Variants in PKD1 observed in about 807,000 individuals in gnomAD.
The protein encoded by PKD1 is polycystin 1, transient receptor potential channel interacting, also known as polycystin-1.
A neutral mutation model predicts 361.7 loss-of-function variants in PKD1; 81 were observed. The ratio of observed to expected loss-of-function variants is 0.22; its 90% CI spans 0.19 to 0.27. The LOEUF (loss-of-function observed/expected upper bound fraction) is 0.27, where lower values mean the gene tolerates loss of function less well. Ranked by LOEUF, PKD1 falls within the 10% of genes least tolerant of loss-of-function variation. The pLI is 1.00. For synonymous variants in PKD1, 3,615 were observed against 2,818.3 expected, an observed-to-expected ratio of 1.28 and a Z score of -8.95; for missense variants, 6,399 against 6,118.3, an observed-to-expected ratio of 1.05 and a Z score of -1.53.
At position 2,108,756 on chromosome 16, in the gene PKD1, G is replaced by A; in HGVS notation, c.6411C>T (p.Ala2137=). 2.5e-6 allele frequency: 4 copies of A among 1,570,590 alleles called. No individual in the cohort carries two copies. Among genetic ancestry groups the A allele is most frequent in the Non-Finnish European group, 3.5e-6 (4 of 1,159,172 alleles). ...AGGCCAGCACCTGGACGGTCACCGT[G>A]GCCTGCGCCACGAAGAAGCTCACCA... ...SNLVSFFVAQ[A]TVTVQVLACR... Residue 2137 remains alanine (A), a synonymous_variant, in exon 15 of 46, where the codon GCC becomes GCT. Transcript: ENST00000262304.
chr16:2,094,817 G>A (rs950051372), intron 34 of PKD1: 4 of 154,682 alleles, frequency 2.6e-5, no homozygotes, highest in South Asian at 2.0e-4. Flanking sequence ...AGGCAGCGAA[G>A]ACACGTTGAG....
Position 2,094,146 on chromosome 16 carries a change from G to A in PKD1, c.10564C>T (p.Pro3522Ser), listed in dbSNP as rs768421958. 1.3e-6 allele frequency: 2 copies of A among 1,599,896 alleles called. No individual in the cohort carries two copies. Among genetic ancestry groups the A allele is most frequent in the Admixed American group, 1.7e-5 (1 of 58,414 alleles). ...TGTTCCCAGTTCAGGCCTGGGCTGGGTGGCCCCAGCTCCCCCAGCCTCTGC... is the reference window on the plus strand; with the variant it reads ...TGTTCCCAGTTCAGGCCTGGGCTGGATGGCCCCAGCTCCCCCAGCCTCTGC... ...ALQRLGELGP[P>S]SPGLNWEQPQ... The change falls in exon 35 of 46, where the codon CCC (proline) becomes TCC (serine). Residue 3522 changes from proline to serine, a missense_variant. By Grantham distance (74) the Pro-to-Ser change is moderately conservative (BLOSUM62 -1). Coordinates refer to ENST00000262304, the MANE Select transcript of PKD1 (RefSeq NM_001009944.3).
intron 6 of PKD1, 103 bp from the exon 7 acceptor site, chr16:2,117,156 G>A (rs1171188093): frequency 8.7e-6 from 6 of 693,072 alleles, no homozygotes. Context: ...CTTTCCAGAT[G>A]GGGAAACTGA....
chr16:2,121,607 G>A (rs1283637525), intron 1 of PKD1, among the ~76,000 whole-genome samples: 3 of 152,090 alleles, frequency 2.0e-5, no homozygotes, highest in Non-Finnish European at 4.4e-5. Flanking sequence ...TGGAGCTGGT[G>A]ATGCGGAGGT....
rs775128354 is a variant in PKD1, at chr16:2,097,461, C to T, written c.10263G>A (p.Pro3421=). 8.1e-6 allele frequency: 13 copies of T among 1,604,420 alleles called. No homozygotes were observed. Among genetic ancestry groups the T allele is most frequent in the Admixed American group, 3.3e-5 (2 of 59,992 alleles). Residue 3421 remains proline (P), a synonymous_variant, in exon 33 of 46, where the codon CCG becomes CCA. Coordinates refer to ENST00000262304, the MANE Select transcript of PKD1 (RefSeq NM_001009944.3). ...CAATGGACGGGTCACTGAGCAGGTC[C>T]GGCCAACTGAGCGTTCCCTCGCCGG... ...WPSGEGTLSW[P]DLLSDPSIVG...
Position 2,097,254 on chromosome 16 carries a change from G to A in PKD1, c.10406-13C>T, listed in dbSNP as rs1250022316. On this transcript the variant is annotated splice_polypyrimidine_tract_variant and intron_variant, in intron 33 of 45. Coordinates refer to ENST00000262304, the MANE Select transcript of PKD1 (RefSeq NM_001009944.3). ...ATCAGGTCTTCATCTAGAGGTACAGGAGGCATAGGGTGGGCCCAGCTGCAA... is the reference window on the plus strand; with the variant it reads ...ATCAGGTCTTCATCTAGAGGTACAGAAGGCATAGGGTGGGCCCAGCTGCAA... 5.6e-6 allele frequency: 9 copies of A among 1,597,038 alleles called. No individual in the cohort carries two copies. The highest frequency in any genetic ancestry group is 1.3e-5 in the African/African-American group (1 of 74,624).
rs80111665 is a variant in PKD1 at position 2,109,320 on chromosome 16, G to A, written c.5847C>T (p.Ser1949=). Residue 1949 remains serine (S), a synonymous_variant, in exon 15 of 46, where the codon AGC becomes AGT. Transcript: ENST00000262304. The part of the protein sequence containing the change: ...SFPRVGDHVV[S]VRGKNHVSWA... ...AGCTCACGTGGTTTTTGCCCCGCAC[G>A]CTCACCACGTGGTCTCCGACGCGGG... is the stretch of plus-strand genomic sequence containing the variant. The A allele has an allele frequency of 2.6e-3, 4,097 of 1,587,532 alleles. 70 individuals carry two copies. The East Asian group carries it at 0.042, about 16-fold the overall frequency.
rs771255288 is a variant in PKD1, at chr16:2,090,032, G to A, written c.12607C>T (p.Arg4203Trp). The A allele has an allele frequency of 1.8e-5, 29 of 1,611,004 alleles. No homozygotes were observed. Among genetic ancestry groups the A allele is most frequent in the Middle Eastern group, 3.3e-4 (2 of 6,054 alleles). Reference sequence around the variant, plus strand: ...TCAGGCTCACACCTTGTCCCCAGCCGGCCCAGGCTCACGCTCAGCCCATCC... The same window carrying A: ...TCAGGCTCACACCTTGTCCCCAGCCAGCCCAGGCTCACGCTCAGCCCATCC... ...QLDGLSVSLG[R>W]LGTRCEPEPS... The change falls in exon 46 of 46, where the codon CGG (arginine) becomes TGG (tryptophan). Residue 4203 changes from arginine to tryptophan, a missense_variant. Physicochemically the swap from Arg to Trp is moderately radical, Grantham distance 101. Coordinates refer to ENST00000262304, the MANE Select transcript of PKD1 (RefSeq NM_001009944.3).
Position 2,092,841 on chromosome 16 carries a change from A to C in PKD1, c.11156+113T>G, listed in dbSNP as rs1029340748. On this transcript the variant is annotated intron_variant, in intron 38 of 45. Transcript: ENST00000262304. ...ACTGATGCCAGCAGCACCTACCTCC[A>C]GTTCTAGCAGCCACAAAGGTATCTA... The C allele has an allele frequency of 3.8e-6, 5 of 1,319,364 alleles. No individual in the cohort carries two copies. The Admixed American group carries it at 5.0e-5, about 13-fold the overall frequency. 81.7% of individuals were successfully genotyped at this position (1,319,364 alleles called of 1,614,324 possible).
intron 1 of PKD1, among the ~76,000 whole-genome samples, chr16:2,126,067 A>G (rs1272316955): frequency 6.6e-6 from 1 of 151,904 alleles, no homozygotes; most frequent in African/African-American, 2.4e-5. Flanking sequence ...AGTGCCCTGG[A>G]GAGGGCAGCA....
intron 1 of PKD1, among the ~76,000 whole-genome samples, chr16:2,134,569 C>T (rs2092927721): frequency 6.6e-6 from 1 of 151,076 alleles, no homozygotes; most frequent in Non-Finnish European, 1.5e-5. Context: ...AACCCTGGGT[C>T]CTGGGCACCT....
chr16:2,101,004 G>A (rs1408459491), intron 26 of PKD1, among the ~76,000 whole-genome samples: 1 of 149,156 alleles, frequency 6.7e-6, no homozygotes, highest in Non-Finnish European at 1.5e-5. Context: ...TTTTTTTTTT[G>A]AGATGGAGTC....
At position 2,107,095 on chromosome 16, in the gene PKD1, A is replaced by G. The variant is rs566011424; in HGVS notation, c.7066-147T>C. The G allele has an allele frequency of 2.8e-5, 21 of 757,020 alleles. 1 individual carries two copies. In the South Asian group the frequency reaches 2.9e-4, roughly 11 times the overall value. 46.9% of individuals were successfully genotyped at this position (757,020 alleles called of 1,614,324 possible). ...GAGCTCACTCCCTCCCAGGATACTC[A>G]TCCGGTTTGCCACCTTCCAACTTGG... On this transcript the variant is annotated intron_variant, in intron 16 of 45. Transcript: ENST00000262304.
rs771227962 is a variant in PKD1 at position 2,090,898 on chromosome 16, G to T, written c.11989C>A (p.Leu3997Met). 6.2e-7 allele frequency: 1 copy of T among 1,600,568 alleles called. No homozygotes were observed. The highest frequency in any genetic ancestry group is 2.2e-5 in the East Asian group (1 of 44,784). ...ARGLAASLLF[L>M]LLVKAAQQLR... ...CCAGCCCTCACCTTGACCAAAAGCA[G>T]GAAGAGCAGCGAGGCCGCCAGGCCA... Residue 3997 changes from leucine (L) to methionine (M), a missense_variant, in exon 43 of 46, where the codon CTG (leucine) becomes ATG (methionine). Coordinates refer to ENST00000262304, the MANE Select transcript of PKD1 (RefSeq NM_001009944.3).
chr16:2,114,349 T>A lies in PKD1; in HGVS notation c.2674A>T (p.Thr892Ser), dbSNP rs747093347. 1 of 1,610,070 alleles carries A rather than the reference T, an allele frequency of 6.2e-7. No homozygotes were observed. Among genetic ancestry groups the A allele is most frequent in the Non-Finnish European group, 8.5e-7 (1 of 1,179,566 alleles). ...GGCAGTGCTACCACTGAGAACAGGGTATCGTTGGTCTCCCAGGGGCAGCCG... is the reference window on the plus strand; with the variant it reads ...GGCAGTGCTACCACTGAGAACAGGGAATCGTTGGTCTCCCAGGGGCAGCCG... Reference protein sequence around the residue: ...VPGCPWETNDTLFSVVALPWL... With the variant: ...VPGCPWETNDSLFSVVALPWL... Residue 892 changes from threonine (T) to serine (S), a missense_variant, in exon 11 of 46, where the codon ACC becomes TCC. Thr to Ser is a moderately conservative substitution (Grantham distance 58). Coordinates refer to ENST00000262304, the MANE Select transcript of PKD1 (RefSeq NM_001009944.3).
Position 2,090,698 on chromosome 16 carries a change from T to A in PKD1, c.12114A>T (p.Val4038=). 1 of 1,612,418 alleles carries A rather than the reference T, an allele frequency of 6.2e-7. No homozygotes were observed. Among genetic ancestry groups the A allele is most frequent in the Non-Finnish European group, 8.5e-7 (1 of 1,179,946 alleles). Residue 4038 remains valine (V), a synonymous_variant, in exon 44 of 46, where the codon GTA becomes GTT. Transcript: ENST00000262304. ...GVTLGLVVLG[V]AYAQLAILLV... ...CCAGGATGGCCAGCTGGGCGTAGGC[T>A]ACCCCGAGCACCACCAGGCCCAAGG...
rs3874655 is a variant in PKD1, at chr16:2,106,194, T to C, written c.7600A>G (p.Ser2534Gly). The change falls in exon 19 of 46, where the codon AGC (serine) becomes GGC (glycine). Residue 2534 changes from serine to glycine, a missense_variant. Physicochemically the swap from Ser to Gly is moderately conservative, Grantham distance 56. Transcript: ENST00000262304. The surrounding 1 kb of genome is among the most constrained non-coding windows in gnomAD (Gnocchi z 6.5). The stretch of plus-strand genomic sequence containing the variant: ...CCCGGGGGCAGCACGGCTCCGTAGC[T>C]GGAGAGGCTGCCCTTGTAGACACAG... Reference protein sequence around the residue: ...EFCVYKGSLSSYGAVLPPGFR... With the variant: ...EFCVYKGSLSGYGAVLPPGFR... 2.4e-5 allele frequency: 38 copies of C among 1,609,956 alleles called. No individual in the cohort carries two copies. The highest frequency in any genetic ancestry group is 2.2e-4 in the Middle Eastern group (1 of 4,450).
intron 1 of PKD1, among the ~76,000 whole-genome samples, chr16:2,133,612 G>T (rs2092915112): frequency 6.6e-6 from 1 of 152,060 alleles, no homozygotes; most frequent in African/African-American, 2.4e-5. Flanking sequence ...GGCCTGGGGG[G>T]CCAGCCAGGG....
chr16:2,125,820 C>T (rs1466760817), intron 1 of PKD1, among the ~76,000 whole-genome samples: 1 of 152,114 alleles, frequency 6.6e-6, no homozygotes, highest in East Asian at 1.9e-4. Context: ...CCCCTTGCAT[C>T]CCTCTCCACT....
Sources: gnomAD v4.1 joint callset for allele counts (sites outside exome capture counted in the v4.1 genomes callset) on GRCh38, gnomAD v4.1.1 for gene constraint, Gnocchi (gnomAD v3.1) non-coding constraint, MANE v1.5 for transcripts, NCBI Gene and HGNC (gene_info 2026-07-23, HGNC 2026-07-21) for gene names.